Variants in DPF3 observed in about 807,000 individuals in gnomAD.
The protein encoded by DPF3 is zinc finger protein DPF3.
DPF3 carries 18 observed loss-of-function variants against 56.8 expected under a neutral mutation model. That is an observed-to-expected ratio of 0.32 (90% CI 0.22 to 0.47). The LOEUF (loss-of-function observed/expected upper bound fraction) is 0.47, where lower values mean the gene tolerates loss of function less well. DPF3 is among the 20% of genes least tolerant of loss of function. The probability of loss-of-function intolerance (pLI) is 1.00; values close to 1 mark genes in which losing one functional copy is unlikely to be tolerated. For missense variants in DPF3, 403 were observed against 488.8 expected (o/e 0.82, Z 1.65); for synonymous variants, 188 against 180.2 (o/e 1.04, Z -0.35).
intron 1 of DPF3, among the ~76,000 whole-genome samples, chr14:72,820,355 A>G (rs528470598): frequency 6.6e-6 from 1 of 152,234 alleles, no homozygotes; most frequent in Non-Finnish European, 1.5e-5. Flanking sequence ...TCTAATAAAC[A>G]GGTTAAAATT....
intron 5 of DPF3, among the ~76,000 whole-genome samples, chr14:72,719,810 A>T (rs1279038590): frequency 2.0e-5 from 3 of 152,174 alleles, no homozygotes; most frequent in Non-Finnish European, 4.4e-5. Context: ...GAAGAAACTG[A>T]GGCCCAGGGT....
chr14:72,877,342 C>T (rs1886153984), intron 1 of DPF3, among the ~76,000 whole-genome samples: 1 of 152,046 alleles, frequency 6.6e-6, no homozygotes, highest in Non-Finnish European at 1.5e-5. Flanking sequence ...TTATACTATC[C>T]AGACCAGTTC....
At chr14:72,626,068 C>T (rs1321192264) in intron 9 of DPF3, among the ~76,000 whole-genome samples, 3 of 152,150 alleles carry the variant, frequency 2.0e-5, no homozygotes, top group South Asian at 2.1e-4. Flanking sequence ...CCTCACTCTT[C>T]GGTATAGTTA....
At chr14:72,892,019 C>T in intron 1 of DPF3, 2 of 943,660 alleles carry the variant, frequency 2.1e-6, no homozygotes, top group Non-Finnish European at 2.9e-6. Flanking sequence ...TCCCCAAACA[C>T]GCACCCTACT....
chr14:72,756,855 A>AGAAGGAAAGAAG (rs1555503970), intron 2 of DPF3, among the ~76,000 whole-genome samples: 1 of 107,740 alleles, frequency 9.3e-6, no homozygotes, highest in African/African-American at 3.7e-5. Flanking sequence ...AAAGAAAGAA[A>AGAAGGAAAGAAG]GAAAGAAAGA....
chr14:72,743,902 T>G (rs1167035433), intron 3 of DPF3, among the ~76,000 whole-genome samples: 1 of 152,238 alleles, frequency 6.6e-6, no homozygotes, highest in Non-Finnish European at 1.5e-5. Context: ...AAGTGCAAGC[T>G]GCAGAGAACA....
At chr14:72,694,202 C>G (rs912512158) in intron 6 of DPF3, among the ~76,000 whole-genome samples, 3 of 152,180 alleles carry the variant, frequency 2.0e-5, no homozygotes, top group Non-Finnish European at 4.4e-5. Flanking sequence ...TATCTCGGCC[C>G]CTAGGGGGAC....
chr14:72,864,655 G>C (rs570256273), intron 1 of DPF3, among the ~76,000 whole-genome samples: 60 of 152,118 alleles, frequency 3.9e-4, no homozygotes, highest in African/African-American at 1.4e-3. Context: ...TGCCCAGGTT[G>C]GCACTCAGTA....
Position 72,618,196 on chromosome 14 carries a change from A to C in DPF3, c.*1101T>G, listed in dbSNP as rs1677971194. Among the ~76,000 whole-genome samples the C allele has an allele frequency of 6.6e-6, 1 of 152,182 alleles. No homozygotes were observed. The highest frequency in any genetic ancestry group is 1.5e-5 in the Non-Finnish European group (1 of 68,032). On this transcript the variant is annotated 3_prime_UTR_variant, in exon 11 of 11. Coordinates refer to ENST00000556509, the MANE Select transcript of DPF3 (RefSeq NM_001280542.3). ...CACCCTAATTATTTGTTTAGATAACAATCTTCTCTCCCCCATCCTAAAATT... is the reference window on the plus strand; with the variant it reads ...CACCCTAATTATTTGTTTAGATAACCATCTTCTCTCCCCCATCCTAAAATT...
intron 7 of DPF3, among the ~76,000 whole-genome samples, chr14:72,685,838 TA>T (rs2153572120): frequency 6.6e-6 from 1 of 152,262 alleles, no homozygotes; most frequent in East Asian, 1.9e-4. Context: ...GCGAGAGAAA[TA>T]AAAGAGATTC....
At chr14:72,634,401 T>G (rs1885328163) in intron 8 of DPF3, among the ~76,000 whole-genome samples, 1 of 152,176 alleles carries the variant, frequency 6.6e-6, no homozygotes, top group African/African-American at 2.4e-5. Context: ...TACACACTGT[T>G]AGACAAAAAG....
At chr14:72,872,291 C>T (rs879632267) in intron 1 of DPF3, among the ~76,000 whole-genome samples, 22 of 152,218 alleles carry the variant, frequency 1.4e-4, no homozygotes, top group Admixed American at 5.9e-4. Context: ...AGGTCTCTGA[C>T]ATGGCCTGGA....
rs367958316 is a variant in DPF3 at position 72,610,412 on chromosome 14, G to A, written c.*8885C>T. Among the ~76,000 whole-genome samples the A allele has an allele frequency of 2.8e-4, 42 of 152,286 alleles. No homozygotes were observed. The highest frequency in any genetic ancestry group is 5.8e-4 in the East Asian group (3 of 5,186). On this transcript the variant is annotated 3_prime_UTR_variant, in exon 11 of 11. Coordinates refer to ENST00000556509, the MANE Select transcript of DPF3 (RefSeq NM_001280542.3). ...AATCCCAGCGTTCACAAATGGAGGC[G>A]CCCTCACCAAAGCCACTGGACCAGC...
intron 8 of DPF3, among the ~76,000 whole-genome samples, chr14:72,636,738 A>T (rs545149534): frequency 6.6e-6 from 1 of 152,346 alleles, no homozygotes; most frequent in South Asian, 2.1e-4. Context: ...ATCTGCCCCC[A>T]GATGTTACTT....
intron 1 of DPF3, among the ~76,000 whole-genome samples, chr14:72,890,528 A>G (rs1404455271): frequency 6.6e-6 from 1 of 151,818 alleles, no homozygotes; most frequent in African/African-American, 2.4e-5. Flanking sequence ...TAATAGCATT[A>G]TGTTTCCCAG....
intron 9 of DPF3, among the ~76,000 whole-genome samples, chr14:72,621,358 C>T (rs1446168568): frequency 6.6e-6 from 1 of 151,908 alleles, no homozygotes. Context: ...AGTTTCAGCT[C>T]TGTTCTATTT....
chr14:72,673,347 G>C (rs532453431), intron 8 of DPF3, among the ~76,000 whole-genome samples: 14 of 152,232 alleles, frequency 9.2e-5, no homozygotes, highest in Non-Finnish European at 8.8e-5. Context: ...CAACCAAACT[G>C]TTTCACCTAC....
chr14:72,818,773 T>C (rs985217788), intron 1 of DPF3, among the ~76,000 whole-genome samples: 4 of 152,252 alleles, frequency 2.6e-5, no homozygotes, highest in Non-Finnish European at 5.9e-5. Context: ...ATACTCAACA[T>C]GATTCCAATG....
intron 1 of DPF3, among the ~76,000 whole-genome samples, chr14:72,781,593 A>G (rs1891974709): frequency 6.6e-6 from 1 of 152,138 alleles, no homozygotes; most frequent in South Asian, 2.1e-4. Flanking sequence ...ATGATTTCTG[A>G]GCCGCCACTG....
Sources: gnomAD v4.1 joint callset for allele counts (sites outside exome capture counted in the v4.1 genomes callset) on GRCh38, gnomAD v4.1.1 for gene constraint, MANE v1.5 for transcripts, NCBI Gene and HGNC (gene_info 2026-07-23, HGNC 2026-07-21) for gene names.